Variants in A2M observed in about 807,000 individuals in gnomAD.
A2M encodes the protein alpha-2-macroglobulin, also known as C3 and PZP-like alpha-2-macroglobulin domain-containing protein 5.
A2M carries 128 observed loss-of-function variants against 183.9 expected under a neutral mutation model. That is an observed-to-expected ratio of 0.70 (90% CI 0.60 to 0.81). A2M has a LOEUF of 0.81. Among genes scored for constraint, A2M ranks in the 30% least tolerant of loss-of-function variants. The pLI is 0.00. For missense variants in A2M, 1,495 were observed against 1,787.6 expected, an observed-to-expected ratio of 0.84 and a Z score of 2.95; for synonymous variants, 592 against 670.8, an observed-to-expected ratio of 0.88 and a Z score of 1.81.
chr12:9,091,060 GA>G (rs1949196994), intron 19 of A2M, 140 bp downstream of exon 19: 1 of 1,092,542 alleles, frequency 9.2e-7, no homozygotes, highest in African/African-American at 1.6e-5. Context: ...GGTATTTGGA[GA>G]TCTCAAAACC....
Position 9,079,692 on chromosome 12 carries a change from G to A in A2M, c.2978C>T (p.Thr993Ile), listed in dbSNP as rs200926793. The change falls in exon 24 of 36, where the codon ACA (threonine) becomes ATA (isoleucine). Residue 993 changes from threonine (T) to isoleucine (I), a missense_variant. Transcript: ENST00000318602. ...NIYVLDYLNE[T>I]QQLTPEIKSK... ...CTTGATCTCTGGAGTAAGCTGCTGT[G>A]TTTCATTTAGATAATCCAGTACATA... The A allele has an allele frequency of 8.7e-6, 14 of 1,613,628 alleles. No individual in the cohort carries two copies. The highest frequency in any genetic ancestry group is 1.2e-5 in the Non-Finnish European group (14 of 1,179,790).
chr12:9,101,031 C>T (rs1319337569), intron 13 of A2M, 113 bp downstream of exon 13: 3 of 961,340 alleles, frequency 3.1e-6, no homozygotes, highest in South Asian at 1.7e-5. Flanking sequence ...CCAAACACCA[C>T]CTGTTCCCCC....
intron 22 of A2M, among the ~76,000 whole-genome samples, chr12:9,086,353 GCTCATCA>G (rs1949052123): frequency 1.3e-5 from 2 of 152,100 alleles, no homozygotes; most frequent in Non-Finnish European, 2.9e-5. Flanking sequence ...CACAGCAAAA[GCTCATCA>G]CTTAAAAAAC....
chr12:9,096,972 T>C (rs1046288123), intron 15 of A2M, among the ~76,000 whole-genome samples: 7 of 152,188 alleles, frequency 4.6e-5, no homozygotes, highest in Admixed American at 3.9e-4. Context: ...AAGTGTTTCA[T>C]TGGTAAGACA....
At chr12:9,096,678 CTGAT>C (rs1191402606) in intron 15 of A2M, among the ~76,000 whole-genome samples, 1 of 152,180 alleles carries the variant, frequency 6.6e-6, no homozygotes, top group African/African-American at 2.4e-5. Flanking sequence ...GAGTTTAAAA[CTGAT>C]TGACAAGAAC....
At position 9,106,325 on chromosome 12, in the gene A2M, G is replaced by T. The variant is rs200241721; in HGVS notation, c.1015C>A (p.Gln339Lys). 9.3e-6 allele frequency: 15 copies of T among 1,609,904 alleles called. No homozygotes were observed. Among genetic ancestry groups the T allele is most frequent in the Non-Finnish European group, 1.3e-5 (15 of 1,176,776 alleles). The change falls in exon 10 of 36, where the codon CAG becomes AAG. Residue 339 changes from glutamine (Q) to lysine (K), a missense_variant. Physicochemically the swap from Gln to Lys is moderately conservative, Grantham distance 53. Coordinates refer to ENST00000318602, the MANE Select transcript of A2M (RefSeq NM_000014.6). ...ATGGTTCTTGTGATTTCACTGGACT[G>T]CCTTCCAGTCAATTCCACCACTGAA... ...EGTVVELTGR[Q>K]SSEITRTITK...
chr12:9,089,117 AGTGTAG>A, intron 22 of A2M, 77 bp downstream of exon 22: 1 of 1,087,782 alleles, frequency 9.2e-7, no homozygotes, highest in Non-Finnish European at 1.3e-6. Flanking sequence ...TCACAGAGAA[AGTGTAG>A]GAATAATATA....
At chr12:9,074,830 T>C (rs773473051) in intron 28 of A2M, 47 bp from the exon 29 acceptor site, 3 of 1,538,900 alleles carry the variant, frequency 1.9e-6, no homozygotes, top group Non-Finnish European at 2.6e-6. Context: ...ATATTTATAT[T>C]TAATTCAAGG....
rs763391207 is a variant in A2M at position 9,070,578 on chromosome 12, A to C, written c.4104T>G (p.Ser1368Arg). ...HTSFQISLSVSYTGSRSASNM... is the reference protein window; with the variant it reads ...HTSFQISLSVRYTGSRSASNM... ...TGGAGGCAGAGCGGCTCCCTGTGTA[A>C]CTGAGGATCCAGGGGAGGAAAGGAT... Residue 1368 changes from serine (S) to arginine (R), a missense_variant and splice_region_variant, in exon 32 of 36, where the codon AGT becomes AGG. Transcript: ENST00000318602. 1 of 1,610,676 alleles carries C rather than the reference A, an allele frequency of 6.2e-7. No individual in the cohort carries two copies. The highest frequency in any genetic ancestry group is 1.7e-5 in the Admixed American group (1 of 59,856).
intron 5 of A2M, 21 bp from the exon 6 acceptor site, chr12:9,110,056 T>C: frequency 2.6e-6 from 4 of 1,546,358 alleles, no homozygotes; most frequent in Non-Finnish European, 3.5e-6. Context: ...AAATTAATTA[T>C]AACTTACAAA....
At chr12:9,074,491 T>G in intron 29 of A2M, 69 bp downstream of exon 29, 1 of 1,439,390 alleles carries the variant, frequency 6.9e-7, no homozygotes, top group Non-Finnish European at 9.5e-7. Context: ...CTTGGATGTG[T>G]TTGTTTCTTT....
Position 9,110,326 on chromosome 12 carries a change from T to TTC in A2M, c.491_492insGA (p.Val165LysfsTer20). ...TCATGTTGCTTACCTGAATGTATAC[T>TTC]AGTGGAATCTGAAAGACAAAAGAAA... On this transcript the variant is annotated frameshift_variant, in exon 5 of 36. Transcript: ENST00000318602. LOFTEE classifies it high-confidence loss of function. The TTC allele has an allele frequency of 6.9e-7, 1 of 1,445,922 alleles. No homozygotes were observed. The highest frequency in any genetic ancestry group is 9.3e-7 in the Non-Finnish European group (1 of 1,074,360). The allele number at this position is 1,445,922 out of a possible 1,614,324, so 89.6% of individuals were successfully genotyped here.
chr12:9,093,285 T>A (rs1949266120), intron 18 of A2M, among the ~76,000 whole-genome samples, 180 bp downstream of exon 18: 1 of 152,202 alleles, frequency 6.6e-6, no homozygotes, highest in Admixed American at 6.5e-5. Context: ...AGCTAATGGA[T>A]GTGTTAATTT....
intron 4 of A2M, among the ~76,000 whole-genome samples, chr12:9,111,100 G>A (rs1938693432): frequency 6.6e-6 from 1 of 152,078 alleles, no homozygotes; most frequent in Non-Finnish European, 1.5e-5. Context: ...AATAAATTTA[G>A]TTTAATAAAT....
intron 14 of A2M, 69 bp from the exon 15 acceptor site, chr12:9,098,825 CAG>C: frequency 1.3e-6 from 2 of 1,540,002 alleles, no homozygotes; most frequent in Non-Finnish European, 1.8e-6. Flanking sequence ...CTCGCATTTG[CAG>C]AGTGTTCCTC....
intron 33 of A2M, 33 bp downstream of exon 33, chr12:9,069,711 CG>C: frequency 7.0e-6 from 11 of 1,561,534 alleles, no homozygotes; most frequent in Non-Finnish European, 9.7e-6. Flanking sequence ...TTATTATCTA[CG>C]TTTTTTTGCA....
chr12:9,107,679 G>T, intron 7 of A2M, 35 bp from the exon 8 acceptor site: 1 of 1,609,044 alleles, frequency 6.2e-7, no homozygotes, highest in Non-Finnish European at 8.5e-7. Flanking sequence ...AATCAGAGCA[G>T]ACACTGAACC....
rs769175959 is a variant in A2M, at chr12:9,090,438, T to C, written c.2514A>G (p.Pro838=). The C allele has an allele frequency of 3.1e-6, 5 of 1,613,866 alleles. No individual in the cohort carries two copies. The highest frequency in any genetic ancestry group is 1.7e-5 in the Admixed American group (1 of 59,996). ...LEASPAFLAV[P]VEKEQAPHCI... ...AGTGAGGCGCTTGTTCCTTCTCCAC[T>C]GGGACAGCTAGGAAGGCGGGAGAGG... The change falls in exon 20 of 36, where the codon CCA becomes CCG. Residue 838 remains proline (P), a synonymous_variant. Transcript: ENST00000318602.
intron 15 of A2M, 175 bp downstream of exon 15, chr12:9,098,432 A>T (rs1207635149): frequency 2.3e-5 from 4 of 171,094 alleles, no homozygotes; most frequent in Non-Finnish European, 4.2e-5. Context: ...GTGAGTAGTT[A>T]TATATATATA....
Sources: allele counts gnomAD v4.1 joint callset (sites outside exome capture counted in the v4.1 genomes callset), GRCh38; gene constraint gnomAD v4.1.1; transcripts MANE v1.5; gene names NCBI Gene and HGNC (gene_info 2026-07-23, HGNC 2026-07-21).